HYCC1: variants seen among roughly 807,000 people sequenced by gnomAD.
HYCC1 encodes the protein hyccin PI4KA lipid kinase complex subunit 1.
At chr7:22,903,960 T>C in the HYCC1 span, among the ~76,000 whole-genome samples, 2 of 152,166 alleles carry the variant, frequency 1.3e-5, no homozygotes, top group Non-Finnish European at 2.9e-5. Context: ...GATTATAATT[T>C]TCCTATATTC....
At chr7:22,931,035 T>C in the HYCC1 span, among the ~76,000 whole-genome samples, 11 of 152,142 alleles carry the variant, frequency 7.2e-5, no homozygotes, top group African/African-American at 2.4e-4. Flanking sequence ...GTTTGCATCA[T>C]AACGTGAAAG....
At chr7:22,940,807 C>G in the HYCC1 span, 1 of 149,914 alleles carries the variant, frequency 6.7e-6, no homozygotes, top group Non-Finnish European at 1.5e-5. Flanking sequence ...TAGACTCTTT[C>G]TTCTTCTTTT....
chr7:22,985,386 G>A, the HYCC1 span, among the ~76,000 whole-genome samples: 3 of 152,166 alleles, frequency 2.0e-5, no homozygotes, highest in East Asian at 1.9e-4. Flanking sequence ...GCCCTCATAC[G>A]CAAATCTTTG....
the HYCC1 span, among the ~76,000 whole-genome samples, chr7:23,012,086 T>A: frequency 6.6e-6 from 1 of 152,200 alleles, no homozygotes; most frequent in Non-Finnish European, 1.5e-5. Flanking sequence ...TAGTACCTAC[T>A]CAGCCTGGAA....
the HYCC1 span, chr7:22,976,790 T>C: frequency 6.2e-7 from 1 of 1,611,610 alleles, no homozygotes; most frequent in Non-Finnish European, 8.5e-7. Flanking sequence ...GTCAGAGCCA[T>C]GGACCCAATG....
the HYCC1 span, among the ~76,000 whole-genome samples, chr7:22,960,780 T>C: frequency 6.6e-6 from 1 of 152,238 alleles, no homozygotes; most frequent in Non-Finnish European, 1.5e-5. Context: ...CCAGGTGCAG[T>C]GGCTCACGCC....
At chr7:22,941,110 G>A in the HYCC1 span, 3 of 152,208 alleles carry the variant, frequency 2.0e-5, no homozygotes, top group African/African-American at 7.2e-5. Flanking sequence ...ACAAAGCCAG[G>A]AATGAGGTCA....
the HYCC1 span, among the ~76,000 whole-genome samples, chr7:22,998,022 A>G: frequency 6.6e-6 from 1 of 152,092 alleles, no homozygotes; most frequent in Non-Finnish European, 1.5e-5. Flanking sequence ...CTCATTTCCC[A>G]TTTCTATCTT....
chr7:22,939,358 T>C, the HYCC1 span: 18 of 152,326 alleles, frequency 1.2e-4, no homozygotes, highest in East Asian at 3.3e-3. Context: ...AATTCATTTG[T>C]ACCAATCTAC....
At chr7:22,970,715 T>G in the HYCC1 span, among the ~76,000 whole-genome samples, 1 of 152,314 alleles carries the variant, frequency 6.6e-6, no homozygotes, top group East Asian at 1.9e-4. Flanking sequence ...TACTTAAGAA[T>G]TCTCTGAATT....
chr7:22,947,216 T>C, the HYCC1 span: 2 of 1,549,870 alleles, frequency 1.3e-6, no homozygotes, highest in South Asian at 1.2e-5. Flanking sequence ...GGATGCCCAA[T>C]TCAGTAGCAT....
chr7:23,010,097 T>C, the HYCC1 span, among the ~76,000 whole-genome samples: 1 of 152,224 alleles, frequency 6.6e-6, no homozygotes, highest in Non-Finnish European at 1.5e-5. Context: ...AGATGCTCTC[T>C]AATTTTTTAA....
the HYCC1 span, among the ~76,000 whole-genome samples, chr7:22,910,775 G>A: frequency 5.9e-5 from 9 of 151,496 alleles, no homozygotes; most frequent in Non-Finnish European, 8.8e-5. Context: ...ACATTTTCCC[G>A]GTTTTTTTGG....
the HYCC1 span, among the ~76,000 whole-genome samples, chr7:22,906,260 G>T: frequency 2.0e-5 from 3 of 151,860 alleles, no homozygotes; most frequent in Admixed American, 6.6e-5. Flanking sequence ...CTAAAAGCTA[G>T]AAAAAAATGG....
chr7:22,942,639 A>C, the HYCC1 span: 1 of 152,178 alleles, frequency 6.6e-6, no homozygotes, highest in Non-Finnish European at 1.5e-5. Context: ...GATCCTCTGA[A>C]ATATGGGGTG....
the HYCC1 span, among the ~76,000 whole-genome samples, chr7:22,905,676 A>T: frequency 6.6e-6 from 1 of 152,022 alleles, no homozygotes; most frequent in Admixed American, 6.5e-5. Context: ...AATTCTTTTC[A>T]ATTTTTCCTG....
the HYCC1 span, among the ~76,000 whole-genome samples, chr7:22,956,848 C>T: frequency 1.3e-5 from 2 of 151,812 alleles, no homozygotes; most frequent in African/African-American, 2.4e-5. Context: ...ATTCTAGAAA[C>T]TTGAATTGAT....
the HYCC1 span, among the ~76,000 whole-genome samples, chr7:23,009,657 GA>G: frequency 6.7e-6 from 1 of 149,856 alleles, no homozygotes; most frequent in East Asian, 1.9e-4. Flanking sequence ...ATTTTAAAAA[GA>G]AAAAAAAAGG....
chr7:22,991,288 G>A, the HYCC1 span: 3 of 562,258 alleles, frequency 5.3e-6, no homozygotes, highest in Non-Finnish European at 6.2e-6. Flanking sequence ...CAAAACCAAT[G>A]TGCACAAACA....
Sources: allele counts gnomAD v4.1 joint callset (sites outside exome capture counted in the v4.1 genomes callset), GRCh38; gene constraint gnomAD v4.1.1; transcripts MANE v1.5; gene names NCBI Gene and HGNC (gene_info 2026-07-23, HGNC 2026-07-21).